ADAMTS12: variants seen among roughly 807,000 people sequenced by gnomAD.
The protein encoded by ADAMTS12 is A disintegrin and metalloproteinase with thrombospondin motifs 12.
ADAMTS12 carries 118 observed loss-of-function variants against 167.8 expected under a neutral mutation model. That is an observed-to-expected ratio of 0.70 (90% CI 0.61 to 0.82). ADAMTS12 has a LOEUF of 0.82. Among genes scored for constraint, ADAMTS12 ranks in the 40% least tolerant of loss-of-function variants. ADAMTS12 has a pLI of 0.00. For missense variants in ADAMTS12, 1,916 were observed against 1,998.8 expected (o/e 0.96, Z 0.79); for synonymous variants, 704 against 716.9 (o/e 0.98, Z 0.29).
chr5:33,823,304 T>C (rs1747932947), intron 2 of ADAMTS12, among the ~76,000 whole-genome samples: 1 of 152,178 alleles, frequency 6.6e-6, no homozygotes. Flanking sequence ...CTTTCAAAAT[T>C]GGCACATGCT....
At position 33,683,901 on chromosome 5, in the gene ADAMTS12, C is replaced by T. The variant is rs10052345; in HGVS notation, c.789G>A (p.Gly263=). 4,949 of 1,594,954 alleles carry T rather than the reference C, an allele frequency of 3.1e-3. 143 individuals are homozygous for T. The African/African-American group carries it at 0.06, about 19-fold the overall frequency. The change falls in exon 4 of 24, where the codon GGG becomes GGA. Residue 263 remains glycine (G), a synonymous_variant. Transcript: ENST00000504830. ...VADTKMIEYH[G]SENVESYILT... is the part of the protein sequence containing the mutation. Reference sequence around the variant, plus strand: ...GGATGTAGGACTCCACATTCTCACTCCCATGGTATTCAATCATCTTTGTGT... The same window carrying T: ...GGATGTAGGACTCCACATTCTCACTTCCATGGTATTCAATCATCTTTGTGT...
At chr5:33,539,260 A>G (rs1744567810) in intron 22 of ADAMTS12, among the ~76,000 whole-genome samples, 1 of 152,270 alleles carries the variant, frequency 6.6e-6, no homozygotes, top group South Asian at 2.1e-4. Flanking sequence ...CTTTATTTTC[A>G]GTATTGCTGA....
intron 2 of ADAMTS12, among the ~76,000 whole-genome samples, chr5:33,809,439 T>C (rs956839386): frequency 6.6e-6 from 1 of 152,062 alleles, no homozygotes; most frequent in Non-Finnish European, 1.5e-5. Context: ...CTAATATTTG[T>C]TTTTAAGAAA....
intron 14 of ADAMTS12, among the ~76,000 whole-genome samples, chr5:33,617,473 T>C (rs978452857): frequency 5.3e-5 from 8 of 152,276 alleles, no homozygotes; most frequent in African/African-American, 1.4e-4. Flanking sequence ...ATTTTTCAAA[T>C]TGGCAGCTCT....
intron 2 of ADAMTS12, among the ~76,000 whole-genome samples, chr5:33,862,216 TTCAAAAAA>T (rs1247619655): frequency 6.6e-6 from 1 of 152,084 alleles, no homozygotes; most frequent in Non-Finnish European, 1.5e-5. Context: ...TGAAAAACCT[TTCAAAAAA>T]TCAATGAATC....
chr5:33,766,660 T>G (rs573177997), intron 2 of ADAMTS12, among the ~76,000 whole-genome samples: 2 of 152,292 alleles, frequency 1.3e-5, no homozygotes, highest in African/African-American at 4.8e-5. Context: ...AAAAACAGTC[T>G]AAAATTTTAA....
At chr5:33,649,499 C>A (rs765761229) in intron 8 of ADAMTS12, 55 bp downstream of exon 8, 249 of 1,586,694 alleles carry the variant, frequency 1.6e-4, no homozygotes, top group Non-Finnish European at 2.1e-4. Flanking sequence ...AAACTCAATG[C>A]AGCTTCCAAT....
intron 16 of ADAMTS12, among the ~76,000 whole-genome samples, chr5:33,600,967 A>G (rs1738157917): frequency 6.6e-6 from 1 of 152,020 alleles, no homozygotes; most frequent in South Asian, 2.1e-4. Context: ...CCCACTAAAT[A>G]TTTACCTTTT....
chr5:33,821,042 C>T (rs78904097), intron 2 of ADAMTS12, among the ~76,000 whole-genome samples: 5,920 of 152,062 alleles, frequency 0.039, 185 homozygotes, highest in Non-Finnish European at 0.06. Context: ...ATACCTGGGT[C>T]GTGAAATAAT....
chr5:33,561,888 T>C (rs1326162966), intron 19 of ADAMTS12, among the ~76,000 whole-genome samples: 1 of 152,228 alleles, frequency 6.6e-6, no homozygotes, highest in African/African-American at 2.4e-5. Context: ...TCCAGGTGTC[T>C]GCCCCTTGCC....
At position 33,649,760 on chromosome 5, in the gene ADAMTS12, CAT is replaced by C; in HGVS notation, c.1191-65_1191-64del. On this transcript the variant is annotated intron_variant, in intron 7 of 23. Coordinates refer to ENST00000504830, the MANE Select transcript of ADAMTS12 (RefSeq NM_030955.4). The stretch of plus-strand genomic sequence containing the variant: ...GCAGGCATTAAACAGGAAGAAAAAC[CAT>C]AGTTTCCCTAAGAGCGTAATAACTC... 12 of 1,584,762 alleles carry C rather than the reference CAT, an allele frequency of 7.6e-6. No individual in the cohort carries two copies. The South Asian group carries it at 8.1e-5, about 11-fold the overall frequency.
At chr5:33,630,976 G>T in intron 12 of ADAMTS12, 63 bp from the exon 13 acceptor site, 1 of 1,589,476 alleles carries the variant, frequency 6.3e-7, no homozygotes, top group Admixed American at 1.7e-5. Context: ...CCTCCCCCAG[G>T]ATTCCTCCGT....
At chr5:33,760,699 T>C (rs1745322318) in intron 2 of ADAMTS12, among the ~76,000 whole-genome samples, 1 of 152,190 alleles carries the variant, frequency 6.6e-6, no homozygotes, top group Non-Finnish European at 1.5e-5. Flanking sequence ...TCTCTAACAC[T>C]GTTCTCAGGG....
chr5:33,601,054 C>T (rs1738161842), intron 16 of ADAMTS12, among the ~76,000 whole-genome samples: 1 of 151,930 alleles, frequency 6.6e-6, no homozygotes, highest in East Asian at 1.9e-4. Flanking sequence ...AATGAAGGCT[C>T]TGTCAAGGAC....
chr5:33,875,875 T>C (rs955358061), intron 2 of ADAMTS12, among the ~76,000 whole-genome samples: 2 of 152,124 alleles, frequency 1.3e-5, no homozygotes, highest in Non-Finnish European at 2.9e-5. Flanking sequence ...AACTGCCCCA[T>C]TGGCAAATGA....
intron 2 of ADAMTS12, among the ~76,000 whole-genome samples, chr5:33,754,452 C>T (rs1302310551): frequency 1.3e-5 from 2 of 152,224 alleles, no homozygotes; most frequent in Non-Finnish European, 2.9e-5. Flanking sequence ...CCCTTCACCT[C>T]CTGTGCCATC....
chr5:33,700,833 G>A (rs1742975680), intron 3 of ADAMTS12, among the ~76,000 whole-genome samples: 1 of 151,990 alleles, frequency 6.6e-6, no homozygotes, highest in African/African-American at 2.4e-5. Flanking sequence ...TGTATCTTAT[G>A]ACTGTATGTG....
chr5:33,721,591 C>T (rs111241298), intron 3 of ADAMTS12, among the ~76,000 whole-genome samples: 150 of 152,250 alleles, frequency 9.9e-4, no homozygotes, highest in Admixed American at 3.8e-3. Flanking sequence ...TTTTAAGGGC[C>T]GCAAGCCTGC....
At chr5:33,860,601 T>C (rs2111689341) in intron 2 of ADAMTS12, among the ~76,000 whole-genome samples, 1 of 152,270 alleles carries the variant, frequency 6.6e-6, no homozygotes, top group East Asian at 1.9e-4. Context: ...CAGGATACTA[T>C]CCAGGAGAAT....
Sources: gnomAD v4.1 joint callset for allele counts (sites outside exome capture counted in the v4.1 genomes callset) on GRCh38, gnomAD v4.1.1 for gene constraint, MANE v1.5 for transcripts, NCBI Gene and HGNC (gene_info 2026-07-23, HGNC 2026-07-21) for gene names.